Variants in PLCH1 observed in about 807,000 individuals in gnomAD.
PLCH1 encodes the protein 1-phosphatidylinositol 4,5-bisphosphate phosphodiesterase eta-1.
PLCH1 carries 60 observed loss-of-function variants against 126.7 expected under a neutral mutation model. That is an observed-to-expected ratio of 0.47 (90% CI 0.38 to 0.59). The LOEUF is 0.59. Ranked by LOEUF, PLCH1 falls within the 20% of genes least tolerant of loss-of-function variation. The probability of loss-of-function intolerance (pLI) is 0.00; values close to 1 mark genes in which losing one functional copy is unlikely to be tolerated. For missense variants in PLCH1, 1,723 were observed against 2,040.0 expected (o/e 0.84, Z 2.99); for synonymous variants, 719 against 734.9 (o/e 0.98, Z 0.35).
chr3:155,560,199 ACTTGAACCTCCAAGAAAATGT>A (rs1275530166), intron 8 of PLCH1, among the ~76,000 whole-genome samples: 1 of 152,216 alleles, frequency 6.6e-6, no homozygotes, highest in Non-Finnish European at 1.5e-5. Flanking sequence ...CATTTTCTGT[ACTTGAACCTCCAAGAAAATGT>A]CACTATTTAC....
Position 155,583,661 on chromosome 3 carries a change from A to G in PLCH1, c.601-19T>C, listed in dbSNP as rs1421548012. The G allele has an allele frequency of 6.5e-7, 1 of 1,528,104 alleles. No individual in the cohort carries two copies. The highest frequency in any genetic ancestry group is 1.4e-5 in the African/African-American group (1 of 70,442). 94.7% of individuals were successfully genotyped at this position (1,528,104 alleles called of 1,614,324 possible). A position where few individuals can be genotyped will look rare whatever the true frequency, so the allele number is the denominator to read the frequency against. On this transcript the variant is annotated intron_variant, in intron 5 of 22. Coordinates refer to ENST00000460012, the MANE Select transcript of PLCH1 (RefSeq NM_014996.4). Reference sequence around the variant, plus strand: ...CGGCTTCCTGAAAAGGGCATAGAGAAAATAAAGTAATATGAAAGTTAGAAA... The same window carrying G: ...CGGCTTCCTGAAAAGGGCATAGAGAGAATAAAGTAATATGAAAGTTAGAAA...
chr3:155,520,209 A>C (rs546537967), intron 11 of PLCH1, among the ~76,000 whole-genome samples: 1 of 152,364 alleles, frequency 6.6e-6, no homozygotes, highest in Non-Finnish European at 1.5e-5. Flanking sequence ...AAGACCTTGT[A>C]ACCTCAAGAG....
At chr3:155,623,416 T>C (rs1236371137) in intron 2 of PLCH1, among the ~76,000 whole-genome samples, 1 of 151,836 alleles carries the variant, frequency 6.6e-6, no homozygotes, top group Admixed American at 6.6e-5. Context: ...AGAGCAGAAC[T>C]GAAGGAGATA....
chr3:155,494,835 A>G (rs890945234), intron 15 of PLCH1, among the ~76,000 whole-genome samples: 73 of 152,198 alleles, frequency 4.8e-4, no homozygotes, highest in African/African-American at 1.7e-3. Flanking sequence ...TGAAAAGAAC[A>G]GGTAGAAAAA....
At chr3:155,470,749 A>G (rs1713178614) in intron 21 of PLCH1, among the ~76,000 whole-genome samples, 1 of 152,076 alleles carries the variant, frequency 6.6e-6, no homozygotes, top group South Asian at 2.1e-4. Context: ...CCTACAAGCC[A>G]GAAGAGAGTG....
chr3:155,461,944 T>C (rs1712742121), intron 21 of PLCH1, among the ~76,000 whole-genome samples: 1 of 152,164 alleles, frequency 6.6e-6, no homozygotes, highest in Non-Finnish European at 1.5e-5. Flanking sequence ...AACCAAAAGG[T>C]GGAACTAGGA....
At chr3:155,621,569 T>G (rs1560261260) in intron 2 of PLCH1, among the ~76,000 whole-genome samples, 1 of 152,080 alleles carries the variant, frequency 6.6e-6, no homozygotes, top group Non-Finnish European at 1.5e-5. Context: ...GAACACAAAT[T>G]ACCTGATTGA....
At chr3:155,476,944 G>C (rs1713573174), downstream of PLCH1, among the ~76,000 whole-genome samples, 1 of 151,894 alleles carries the variant, frequency 6.6e-6, no homozygotes, top group Non-Finnish European at 1.5e-5. Flanking sequence ...AGTAGCCAAA[G>C]GTATCCTAAG....
intron 21 of PLCH1, among the ~76,000 whole-genome samples, chr3:155,486,443 T>C (rs1715112594): frequency 6.6e-6 from 1 of 152,064 alleles, no homozygotes; most frequent in African/African-American, 2.4e-5. Flanking sequence ...TAAATGGACA[T>C]TTATTTAGCA....
intron 2 of PLCH1, chr3:155,657,951 T>C (rs1741627239): frequency 2.0e-5 from 3 of 152,876 alleles, no homozygotes; most frequent in Admixed American, 1.3e-4. Flanking sequence ...AGATATTCCC[T>C]GTCTACTGTG....
intron 21 of PLCH1, among the ~76,000 whole-genome samples, chr3:155,471,023 G>A (rs1377690494): frequency 6.7e-6 from 1 of 150,202 alleles, no homozygotes; most frequent in African/African-American, 2.5e-5. Flanking sequence ...ATCAACTAAC[G>A]AGCAAAATAA....
chr3:155,614,660 G>A (rs1735561760), intron 2 of PLCH1, among the ~76,000 whole-genome samples: 1 of 152,082 alleles, frequency 6.6e-6, no homozygotes, highest in Non-Finnish European at 1.5e-5. Flanking sequence ...CTTCAACTAA[G>A]CAAACAAAAG....
At chr3:155,505,907 T>TA (rs1271669891) in intron 12 of PLCH1, among the ~76,000 whole-genome samples, 9 of 151,690 alleles carry the variant, frequency 5.9e-5, no homozygotes, top group African/African-American at 1.9e-4. Context: ...TTTTTTTTTT[T>TA]AATCTGTGAA....
At chr3:155,663,894 A>G (rs1264667268) in intron 2 of PLCH1, among the ~76,000 whole-genome samples, 1 of 152,168 alleles carries the variant, frequency 6.6e-6, no homozygotes, top group East Asian at 1.9e-4. Flanking sequence ...TTATGTCTTC[A>G]AACTATTATA....
intron 1 of PLCH1, among the ~76,000 whole-genome samples, chr3:155,732,877 C>CAAAAAAA (rs71155063): frequency 3.7e-5 from 3 of 80,254 alleles, no homozygotes; most frequent in African/African-American, 1.1e-4. Flanking sequence ...GACTGCATCT[C>CAAAAAAA]AAAAAAAAAA....
intron 8 of PLCH1, among the ~76,000 whole-genome samples, chr3:155,558,039 TC>T (rs1178142493): frequency 6.6e-6 from 1 of 152,176 alleles, no homozygotes; most frequent in Non-Finnish European, 1.5e-5. Flanking sequence ...CAAGCCCACC[TC>T]ACCAAAAAGA....
At chr3:155,577,005 C>A (rs755780908) in intron 6 of PLCH1, among the ~76,000 whole-genome samples, 1 of 152,118 alleles carries the variant, frequency 6.6e-6, no homozygotes, top group East Asian at 1.9e-4. Flanking sequence ...ATGGACACTA[C>A]GTTTGGTGGC....
At chr3:155,686,341 CA>C (rs1365301007) in intron 2 of PLCH1, among the ~76,000 whole-genome samples, 1 of 152,168 alleles carries the variant, frequency 6.6e-6, no homozygotes, top group Non-Finnish European at 1.5e-5. Context: ...GAATCTAAGT[CA>C]ATAAATATTT....
At chr3:155,495,374 T>C (rs900414201) in intron 15 of PLCH1, among the ~76,000 whole-genome samples, 2 of 152,130 alleles carry the variant, frequency 1.3e-5, no homozygotes, top group Admixed American at 6.5e-5. Context: ...TTTTGTACCA[T>C]ATCTACAAAG....
Sources: gnomAD v4.1 joint callset for allele counts (sites outside exome capture counted in the v4.1 genomes callset) on GRCh38, gnomAD v4.1.1 for gene constraint, MANE v1.5 for transcripts, NCBI Gene and HGNC (gene_info 2026-07-23, HGNC 2026-07-21) for gene names.